Variants in HP1BP3 observed in about 807,000 individuals in gnomAD.
HP1BP3 encodes heterochromatin protein 1-binding protein 3.
HP1BP3 carries 12 observed loss-of-function variants against 62.5 expected under a neutral mutation model. That is an observed-to-expected ratio of 0.19 (90% CI 0.12 to 0.31). The LOEUF is 0.31. Among genes scored for constraint, HP1BP3 ranks in the 10% least tolerant of loss-of-function variants. The pLI is 1.00. For synonymous variants in HP1BP3, 260 were observed against 237.8 expected (o/e 1.09, Z -0.86); for missense variants, 502 against 651.8 (o/e 0.77, Z 2.50).
chr1:20,758,372 T>TAGGG (rs2056255169), intron 8 of HP1BP3, among the ~76,000 whole-genome samples: 1 of 151,750 alleles, frequency 6.6e-6, no homozygotes, highest in Admixed American at 6.6e-5. Context: ...TTGAGACGCA[T>TAGGG]TCTCCCTCTG....
At chr1:20,781,210 C>G (rs1209197254) in intron 1 of HP1BP3, among the ~76,000 whole-genome samples, 6 of 151,994 alleles carry the variant, frequency 3.9e-5, no homozygotes. Context: ...ACTAACACCC[C>G]CTCTTCCCCA....
intron 4 of HP1BP3, chr1:20,775,112 A>G (rs1345948601): frequency 6.6e-6 from 1 of 151,412 alleles, no homozygotes; most frequent in Non-Finnish European, 1.5e-5. Context: ...TTCTACCTAC[A>G]AAAAAAAAGT....
chr1:20,771,808 T>G (rs1426090824), intron 5 of HP1BP3, among the ~76,000 whole-genome samples: 1 of 152,206 alleles, frequency 6.6e-6, no homozygotes. Flanking sequence ...CACACAAAAG[T>G]AGCATCTGTC....
intron 8 of HP1BP3, among the ~76,000 whole-genome samples, chr1:20,757,693 A>C (rs2056205821): frequency 2.6e-5 from 4 of 151,948 alleles, no homozygotes; most frequent in Admixed American, 2.0e-4. Context: ...TTAACATTTG[A>C]CTTCTAACGC....
At chr1:20,780,971 CTTT>C in intron 1 of HP1BP3, among the ~76,000 whole-genome samples, 1 of 151,650 alleles carries the variant, frequency 6.6e-6, no homozygotes, top group African/African-American at 2.4e-5. Context: ...TATTAAAGTA[CTTT>C]TTTTTTCCTT....
At chr1:20,756,791 A>G (rs2056137460) in intron 9 of HP1BP3, among the ~76,000 whole-genome samples, 1 of 152,094 alleles carries the variant, frequency 6.6e-6, no homozygotes, top group African/African-American at 2.4e-5. Flanking sequence ...TCTTGGCTCA[A>G]TGCAACCTCC....
intron 6 of HP1BP3, among the ~76,000 whole-genome samples, chr1:20,767,935 T>C (rs2056865913): frequency 1.3e-5 from 2 of 152,168 alleles, no homozygotes; most frequent in Non-Finnish European, 2.9e-5. Flanking sequence ...GCTACTGTGA[T>C]ACCACGTTAA....
At chr1:20,761,638 G>T (rs1185233534) in intron 8 of HP1BP3, among the ~76,000 whole-genome samples, 1 of 152,148 alleles carries the variant, frequency 6.6e-6, no homozygotes, top group African/African-American at 2.4e-5. Flanking sequence ...GTATGGGCTA[G>T]ATTCATACAT....
chr1:20,776,043 G>GTT (rs2057292280), intron 4 of HP1BP3: 4 of 1,440,224 alleles, frequency 2.8e-6, no homozygotes, highest in Non-Finnish European at 3.7e-6. Flanking sequence ...AAATTAAAAA[G>GTT]TAACTGCCAT....
intron 3 of HP1BP3, among the ~76,000 whole-genome samples, chr1:20,779,504 A>G (rs1457024452): frequency 6.6e-6 from 1 of 152,128 alleles, no homozygotes; most frequent in Non-Finnish European, 1.5e-5. Flanking sequence ...CACTGCACTG[A>G]TCCCCATGAC....
chr1:20,749,950 C>A, intron 9 of HP1BP3, 68 bp from the exon 10 acceptor site: 3 of 1,555,544 alleles, frequency 1.9e-6, no homozygotes, highest in Non-Finnish European at 2.6e-6. Flanking sequence ...AGACAAGACT[C>A]CTCTGCACCA....
Position 20,743,177 on chromosome 1 carries a change from G to A in HP1BP3, c.*1620C>T, listed in dbSNP as rs757750020. On this transcript the variant is annotated 3_prime_UTR_variant, in exon 13 of 13. Coordinates refer to ENST00000438032, the MANE Select transcript of HP1BP3 (RefSeq NM_001372052.1). ...CCACTTGCTTGATATCAAAAGTGCT[G>A]TGGAAAGAAAGGAGGGGAAAAAAAC... 6.6e-6 allele frequency: 1 copy of A among 150,554 alleles called. No homozygotes were observed. The highest frequency in any genetic ancestry group is 6.6e-5 in the Admixed American group (1 of 15,072). The allele number at this position is 150,554 out of a possible 1,614,324, so 9.3% of individuals were successfully genotyped here.
intron 8 of HP1BP3, among the ~76,000 whole-genome samples, chr1:20,763,875 T>C (rs1243824052): frequency 1.3e-5 from 2 of 152,234 alleles, no homozygotes; most frequent in South Asian, 2.1e-4. Flanking sequence ...ATATGATGTA[T>C]ATGTATGTAC....
At chr1:20,752,947 G>GTT (rs199580694) in intron 9 of HP1BP3, among the ~76,000 whole-genome samples, 4 of 147,854 alleles carry the variant, frequency 2.7e-5, no homozygotes, top group African/African-American at 9.9e-5. Flanking sequence ...CTTGGAACAC[G>GTT]TTTTTTTTTT....
intron 2 of HP1BP3, 44 bp downstream of exon 2, chr1:20,780,301 G>A (rs2057487211): frequency 7.2e-7 from 1 of 1,394,610 alleles, no homozygotes; most frequent in African/African-American, 1.4e-5. Context: ...CCTGAAGTCA[G>A]GGATTGATCC....
chr1:20,749,326 A>G (rs559642645), intron 10 of HP1BP3, among the ~76,000 whole-genome samples: 1 of 151,220 alleles, frequency 6.6e-6, no homozygotes, highest in East Asian at 1.9e-4. Flanking sequence ...TGACATTAAT[A>G]GCATGATCTC....
chr1:20,769,303 A>AT (rs1297729109), intron 6 of HP1BP3, among the ~76,000 whole-genome samples: 4 of 152,132 alleles, frequency 2.6e-5, no homozygotes, highest in African/African-American at 9.7e-5. Flanking sequence ...CACGTCTGTA[A>AT]TCCCAGCACT....
chr1:20,771,234 G>A (rs3736880), intron 5 of HP1BP3, among the ~76,000 whole-genome samples, 161 bp from the exon 6 acceptor site: 63,911 of 152,038 alleles, frequency 0.42, 13,764 homozygotes, highest in African/African-American at 0.46. Context: ...CTACAGAGAA[G>A]TAACAGAATT....
intron 8 of HP1BP3, among the ~76,000 whole-genome samples, chr1:20,758,513 A>G (rs1258950457): frequency 6.6e-6 from 1 of 151,966 alleles, no homozygotes; most frequent in African/African-American, 2.4e-5. Flanking sequence ...CGCCCGGCTA[A>G]TTTTTTGTAC....
Sources: allele counts gnomAD v4.1 joint callset (sites outside exome capture counted in the v4.1 genomes callset), GRCh38; gene constraint gnomAD v4.1.1; transcripts MANE v1.5; gene names NCBI Gene and HGNC (gene_info 2026-07-23, HGNC 2026-07-21).